The following CBLN4 variants were observed in gnomAD, a reference collection of about 807,000 sequenced individuals.
CBLN4 encodes cerebellin-4.
A neutral mutation model predicts 14.9 loss-of-function variants in CBLN4; 7 were observed. That is an observed-to-expected ratio of 0.47 (90% CI 0.27 to 0.88). The LOEUF is 0.88. Among genes scored for constraint, CBLN4 ranks in the 40% least tolerant of loss-of-function variants. The pLI is 0.14. For synonymous variants in CBLN4, 131 were observed against 116.5 expected (o/e 1.12, Z -0.80); for missense variants, 188 against 256.8 (o/e 0.73, Z 1.83).
In CBLN4 at chr20:55,998,083, C is replaced by A; in HGVS notation, c.*474G>T. 6.6e-6 allele frequency: 1 copy of A among 152,340 alleles called. No individual in the cohort carries two copies. The highest frequency in any genetic ancestry group is 1.9e-4 in the East Asian group (1 of 5,176). 9.4% of individuals were successfully genotyped at this position (152,340 alleles called of 1,614,324 possible). On this transcript the variant is annotated 3_prime_UTR_variant, in exon 3 of 3. Coordinates refer to ENST00000064571, the MANE Select transcript of CBLN4 (RefSeq NM_080617.6). Reference sequence around the variant, plus strand: ...AAAAATCCAAGTTTTTTACAAGAACCAAACAAACTAATTCCAAAGGAATAA... The same window carrying A: ...AAAAATCCAAGTTTTTTACAAGAACAAAACAAACTAATTCCAAAGGAATAA...
intron 1 of CBLN4, among the ~76,000 whole-genome samples, chr20:56,001,136 A>C (rs1986362742): frequency 6.6e-6 from 1 of 152,252 alleles, no homozygotes; most frequent in African/African-American, 2.4e-5. Context: ...AAATGATATA[A>C]GAATAAATAA....
rs1057205302 is a variant in CBLN4 at position 56,005,492 on chromosome 20, C to A, written c.-1321G>T. The A allele has an allele frequency of 2.0e-5, 3 of 152,234 alleles. No homozygotes were observed. Among genetic ancestry groups the A allele is most frequent in the African/African-American group, 7.2e-5 (3 of 41,436 alleles). 9.4% of individuals were successfully genotyped at this position (152,234 alleles called of 1,614,324 possible). On this transcript the variant is annotated 5_prime_UTR_variant, in exon 1 of 3. Coordinates refer to ENST00000064571, the MANE Select transcript of CBLN4 (RefSeq NM_080617.6). ...CGCCCCACACAGCCCTGGGGCCTGGCGAGCTCAGGGAAGCCTTGGGGCGGA... is the reference window on the plus strand; with the variant it reads ...CGCCCCACACAGCCCTGGGGCCTGGAGAGCTCAGGGAAGCCTTGGGGCGGA...
At chr20:56,002,614 T>C (rs953908495) in intron 1 of CBLN4, among the ~76,000 whole-genome samples, 2 of 152,234 alleles carry the variant, frequency 1.3e-5, no homozygotes, top group Non-Finnish European at 1.5e-5. Context: ...TTCCAACATT[T>C]AATTAAAGCA....
chr20:56,000,594 G>A, intron 2 of CBLN4, 137 bp downstream of exon 2: 1 of 450,266 alleles, frequency 2.2e-6, no homozygotes, highest in East Asian at 3.4e-5. Context: ...GAAATTAAGT[G>A]TTTTAAAATA....
In CBLN4 at chr20:56,005,180, C is replaced by T. The variant is rs912283115; in HGVS notation, c.-1009G>A. Reference sequence around the variant, plus strand: ...ATTGGCAAGGTTCGAGGCCCCTCAGCCCCTGAAAGCCCGTGGCGTAAAGGA... The same window carrying T: ...ATTGGCAAGGTTCGAGGCCCCTCAGTCCCTGAAAGCCCGTGGCGTAAAGGA... On this transcript the variant is annotated 5_prime_UTR_variant, in exon 1 of 3. Coordinates refer to ENST00000064571, the MANE Select transcript of CBLN4 (RefSeq NM_080617.6). The T allele has an allele frequency of 2.0e-5, 3 of 152,950 alleles. No individual in the cohort carries two copies. The highest frequency in any genetic ancestry group is 4.4e-5 in the Non-Finnish European group (3 of 68,648). 9.5% of individuals were successfully genotyped at this position (152,950 alleles called of 1,614,324 possible). A position where few individuals can be genotyped will look rare whatever the true frequency, so the allele number is the denominator to read the frequency against.
chr20:56,003,891 T>A lies in CBLN4; in HGVS notation c.281A>T (p.Tyr94Phe), dbSNP rs764085765. The A allele has an allele frequency of 6.2e-7, 1 of 1,610,640 alleles. No homozygotes were observed. Among genetic ancestry groups the A allele is most frequent in the East Asian group, 2.2e-5 (1 of 44,752 alleles). The stretch of plus-strand genomic sequence containing the variant: ...CCCCCCGGGTCTGACCTGATCGAAG[T>A]AAATGATGCGCGTCTTGTTGCTCAT... ...SEMSNKTRII[Y>F]FDQILVNVGN... Residue 94 changes from tyrosine to phenylalanine, a missense_variant, in exon 1 of 3, where the codon TAC becomes TTC. This residue lies in a region of CBLN4 where 93 missense variants were observed against 157.7 expected (regional missense o/e 0.59). Transcript: ENST00000064571.
chr20:56,000,333 T>C (rs1040850827), intron 2 of CBLN4, among the ~76,000 whole-genome samples: 1 of 152,230 alleles, frequency 6.6e-6, no homozygotes, highest in Admixed American at 6.5e-5. Flanking sequence ...ATAGCAAATG[T>C]GTTTTATTTA....
In CBLN4 at chr20:56,004,136, C is replaced by G. The variant is rs770684215; in HGVS notation, c.36G>C (p.Pro12=). 1.3e-6 allele frequency: 2 copies of G among 1,574,802 alleles called. No homozygotes were observed. Among genetic ancestry groups the G allele is most frequent in the South Asian group, 1.1e-5 (1 of 88,342 alleles). The change falls in exon 1 of 3, where the codon CCG becomes CCC. Residue 12 remains proline (P), a synonymous_variant. Coordinates refer to ENST00000064571, the MANE Select transcript of CBLN4 (RefSeq NM_080617.6). The surrounding 1 kb of genome is among the most constrained non-coding windows in gnomAD (Gnocchi z 6.1). ...GSGRRALSAV[P]AVLLVLTLPG... Reference sequence around the variant, plus strand: ...GCAGCGTGAGGACCAGCAGCACGGCCGGCACCGCGGACAGCGCCCGGCGCC... The same window carrying G: ...GCAGCGTGAGGACCAGCAGCACGGCGGGCACCGCGGACAGCGCCCGGCGCC...
In CBLN4 at chr20:56,004,897, G is replaced by T. The variant is rs1986440338; in HGVS notation, c.-726C>A. Reference sequence around the variant, plus strand: ...GCCGGGCGCAGCGTTCAGGGCGGCTGGTCCGGCGGGGTCCTCTCCTGCCTG... The same window carrying T: ...GCCGGGCGCAGCGTTCAGGGCGGCTTGTCCGGCGGGGTCCTCTCCTGCCTG... On this transcript the variant is annotated 5_prime_UTR_variant, in exon 1 of 3. Coordinates refer to ENST00000064571, the MANE Select transcript of CBLN4 (RefSeq NM_080617.6). The surrounding 1 kb of genome is among the most constrained non-coding windows in gnomAD (Gnocchi z 6.1). 6.6e-6 allele frequency: 1 copy of T among 152,326 alleles called. No individual in the cohort carries two copies. The highest frequency in any genetic ancestry group is 1.5e-5 in the Non-Finnish European group (1 of 68,104). The allele number at this position is 152,326 out of a possible 1,614,324, so 9.4% of individuals were successfully genotyped here.
Position 56,004,416 on chromosome 20 carries a change from A to C in CBLN4, c.-245T>G. The C allele has an allele frequency of 1.9e-5, 8 of 419,670 alleles. No homozygotes were observed. The South Asian group carries it at 2.2e-4, about 11-fold the overall frequency. The allele number at this position is 419,670 out of a possible 1,614,324, so 26.0% of individuals were successfully genotyped here. On this transcript the variant is annotated 5_prime_UTR_variant, in exon 1 of 3. Transcript: ENST00000064571. This position sits in a 1 kb window ranked among gnomAD's most constrained non-coding sequence, Gnocchi z 6.1. ...GAGCTCATGCAGCACCCTTTACCCT[A>C]CTCTCCTCCGCCCAAGAATCAGCCC... is the stretch of plus-strand genomic sequence containing the variant.
At chr20:55,998,790 T>C in intron 2 of CBLN4, 36 bp from the exon 3 acceptor site, 3 of 1,513,928 alleles carry the variant, frequency 2.0e-6, no homozygotes, top group Non-Finnish European at 2.7e-6. Flanking sequence ...TGAAAAGTTC[T>C]CTTTAAAGTC....
intron 1 of CBLN4, 135 bp downstream of exon 1, chr20:56,003,746 C>T: frequency 1.1e-6 from 1 of 883,838 alleles, no homozygotes; most frequent in African/African-American, 1.7e-5. Flanking sequence ...CAGACCCAGG[C>T]ATATTTGGGA....
chr20:56,002,937 A>G (rs6069521), intron 1 of CBLN4, among the ~76,000 whole-genome samples: 4,425 of 152,310 alleles, frequency 0.029, 84 homozygotes, highest in Non-Finnish European at 0.043. Context: ...GACTCTGGAT[A>G]CTGTTGGGGC....
In CBLN4 at chr20:56,004,347, C is replaced by T; in HGVS notation, c.-176G>A. The T allele has an allele frequency of 1.8e-6, 1 of 565,610 alleles. No individual in the cohort carries two copies. Among genetic ancestry groups the T allele is most frequent in the South Asian group, 2.9e-5 (1 of 34,128 alleles). 35.0% of individuals were successfully genotyped at this position (565,610 alleles called of 1,614,324 possible). On this transcript the variant is annotated 5_prime_UTR_variant, in exon 1 of 3. Transcript: ENST00000064571. The surrounding 1 kb of genome is among the most constrained non-coding windows in gnomAD (Gnocchi z 6.1). The stretch of plus-strand genomic sequence containing the variant: ...ATTCTGTGGCTTGAAGTCAAAGTCT[C>T]CCCTCGAGCTCTCTCGCTGGCTCTG...
intron 1 of CBLN4, 150 bp downstream of exon 1, chr20:56,003,731 A>C: frequency 1.3e-6 from 1 of 798,132 alleles, no homozygotes; most frequent in Non-Finnish European, 2.0e-6. Context: ...GGACGGTAGA[A>C]GTTTCAGACC....
At chr20:56,000,874 TAA>T (rs1272913360) in intron 1 of CBLN4, 27 bp from the exon 2 acceptor site, 5 of 1,179,844 alleles carry the variant, frequency 4.2e-6, no homozygotes, top group Middle Eastern at 2.1e-4. Context: ...TAAATAACAA[TAA>T]GTTATTATAT....
Position 56,005,490 on chromosome 20 carries a change from G to A in CBLN4, c.-1319C>T, listed in dbSNP as rs1352021144. On this transcript the variant is annotated 5_prime_UTR_variant, in exon 1 of 3. Coordinates refer to ENST00000064571, the MANE Select transcript of CBLN4 (RefSeq NM_080617.6). ...CCCGCCCCACACAGCCCTGGGGCCT[G>A]GCGAGCTCAGGGAAGCCTTGGGGCG... is the stretch of plus-strand genomic sequence containing the variant. 6.6e-6 allele frequency: 1 copy of A among 152,270 alleles called. No homozygotes were observed. The highest frequency in any genetic ancestry group is 1.5e-5 in the Non-Finnish European group (1 of 68,112). 9.4% of individuals were successfully genotyped at this position (152,270 alleles called of 1,614,324 possible). A position where few individuals can be genotyped will look rare whatever the true frequency, so the allele number is the denominator to read the frequency against.
rs1018315596 is a variant in CBLN4 at position 55,998,654 on chromosome 20, T to C, written c.509A>G (p.Asp170Gly). Residue 170 changes from aspartate (D) to glycine (G), a missense_variant, in exon 3 of 3, where the codon GAT becomes GGT. Transcript: ENST00000064571. ...TTTTAGGTAAACCTTATCCTCTTTATCTAGGTAGAGCAGGACACCATTCGT... is the reference window on the plus strand; with the variant it reads ...TTTTAGGTAAACCTTATCCTCTTTACCTAGGTAGAGCAGGACACCATTCGT... ...AATNGVLLYL[D>G]KEDKVYLKLE... 1 of 1,614,156 alleles carries C rather than the reference T, an allele frequency of 6.2e-7. No individual in the cohort carries two copies. The highest frequency in any genetic ancestry group is 1.3e-5 in the African/African-American group (1 of 75,044).
chr20:55,999,270 T>A (rs1048388155), intron 2 of CBLN4, among the ~76,000 whole-genome samples: 1 of 152,240 alleles, frequency 6.6e-6, no homozygotes, highest in South Asian at 2.1e-4. Context: ...TATATATGTG[T>A]CTGTGTGTGT....
Sources: allele counts gnomAD v4.1 joint callset (sites outside exome capture counted in the v4.1 genomes callset), GRCh38; gene constraint gnomAD v4.1.1; regional missense constraint gnomAD v4.1.1; non-coding constraint Gnocchi (gnomAD v3.1); transcripts MANE v1.5; gene names NCBI Gene and HGNC (gene_info 2026-07-23, HGNC 2026-07-21).